The following IREB2 variants were observed in gnomAD, a reference collection of about 807,000 sequenced individuals.
IREB2 encodes the protein iron-responsive element-binding protein 2.
A neutral mutation model predicts 118.8 loss-of-function variants in IREB2; 39 were observed. The ratio of observed to expected loss-of-function variants is 0.33; its 90% confidence interval spans 0.25 to 0.43. The LOEUF is 0.43. Among genes scored for constraint, IREB2 ranks in the 20% least tolerant of loss-of-function variants. IREB2 has a pLI of 1.00. For synonymous variants in IREB2, 372 were observed against 392.2 expected, an observed-to-expected ratio of 0.95 and a Z score of 0.61; for missense variants, 900 against 1,147.3, an observed-to-expected ratio of 0.78 and a Z score of 3.11.
At chr15:78,483,235 G>A in intron 10 of IREB2, 83 bp from the exon 11 acceptor site, 2 of 681,844 alleles carry the variant, frequency 2.9e-6, no homozygotes, top group Non-Finnish European at 5.3e-6. Context: ...TACTTACTCT[G>A]CTTTAGAAAG....
chr15:78,470,214 C>T (rs955455929), intron 5 of IREB2, among the ~76,000 whole-genome samples: 5 of 152,182 alleles, frequency 3.3e-5, no homozygotes, highest in Non-Finnish European at 5.9e-5. Context: ...GAAGCTACTA[C>T]TTTCCTCTTT....
In IREB2 at chr15:78,438,244, C is replaced by T. The variant is rs969349733; in HGVS notation, c.-94C>T. ...CCTGCTTCCTTCTTTCCTCCCTTGC[C>T]AGTCCGCCTGTCTTCCTCCCCGTCT... is the stretch of plus-strand genomic sequence containing the variant. On this transcript the variant is annotated 5_prime_UTR_variant, in exon 1 of 22. Coordinates refer to ENST00000258886, the MANE Select transcript of IREB2 (RefSeq NM_004136.4). 1.6e-5 allele frequency: 15 copies of T among 956,758 alleles called. No individual in the cohort carries two copies. Among genetic ancestry groups the T allele is most frequent in the East Asian group, 5.2e-5 (2 of 38,236 alleles). The allele number at this position is 956,758 out of a possible 1,614,324, so 59.3% of individuals were successfully genotyped here.
At chr15:78,491,738 C>T (rs565182850) in intron 18 of IREB2, among the ~76,000 whole-genome samples, 4 of 152,196 alleles carry the variant, frequency 2.6e-5, no homozygotes, top group African/African-American at 9.6e-5. Flanking sequence ...CCAAGTGATC[C>T]GCCCACCTCG....
intron 3 of IREB2, among the ~76,000 whole-genome samples, chr15:78,463,950 A>G (rs1182925705): frequency 1.3e-5 from 2 of 152,210 alleles, no homozygotes; most frequent in African/African-American, 4.8e-5. Context: ...TAGGCTTCAA[A>G]TCTAGGAGTT....
rs1413354389 is a variant in IREB2, at chr15:78,487,779, G to A, written c.1756G>A (p.Ala586Thr). The change falls in exon 14 of 22, where the codon GCA (alanine) becomes ACA (threonine). Residue 586 changes from alanine to threonine, a missense_variant. Coordinates refer to ENST00000258886, the MANE Select transcript of IREB2 (RefSeq NM_004136.4). Reference protein sequence around the residue: ...YGCSICVGNTAPLSDAVLNAV... With the variant: ...YGCSICVGNTTPLSDAVLNAV... ...ATGTTCAATTTGTGTGGGAAATACA[G>A]CACCCTTATCAGACGCAGTTTTAAA... 6.2e-7 allele frequency: 1 copy of A among 1,608,824 alleles called. No individual in the cohort carries two copies.
chr15:78,489,161 G>A lies in IREB2; in HGVS notation c.2076+390G>A, dbSNP rs562503218. Among the ~76,000 whole-genome samples the A allele has an allele frequency of 1.4e-4, 22 of 152,042 alleles. No homozygotes were observed. In the South Asian group the frequency reaches 4.6e-3, roughly 32 times the overall value. ...CACTTGAACCTGGGAGGCGGAGGTT[G>A]CGGTGATCCGAGATCGCGCCACTGC... On this transcript the variant is annotated intron_variant, in intron 16 of 21. Coordinates refer to ENST00000258886, the MANE Select transcript of IREB2 (RefSeq NM_004136.4).
In IREB2 at chr15:78,476,360, G is replaced by A; in HGVS notation, c.1195+1G>A. 1 of 1,533,622 alleles carries A rather than the reference G, an allele frequency of 6.5e-7. No individual in the cohort carries two copies. Among genetic ancestry groups the A allele is most frequent in the Non-Finnish European group, 8.9e-7 (1 of 1,124,162 alleles). ...ACATTAAAACATTTAGAACATACAGGTAAGAAGATAAAAGATCACTAGAAT... is the reference window on the plus strand; with the variant it reads ...ACATTAAAACATTTAGAACATACAGATAAGAAGATAAAAGATCACTAGAAT... On this transcript the variant is annotated splice_donor_variant, in intron 9 of 21. Transcript: ENST00000258886. LOFTEE classifies it high-confidence loss of function.
chr15:78,471,708 C>T lies in IREB2; in HGVS notation c.700-33C>T, dbSNP rs191387603. ...TTGTGAGCACAAATTTATATACTAA[C>T]ATTTGTATTTCTTAAATTTAAACAA... On this transcript the variant is annotated intron_variant, in intron 6 of 21. Coordinates refer to ENST00000258886, the MANE Select transcript of IREB2 (RefSeq NM_004136.4). The T allele has an allele frequency of 2.8e-5, 38 of 1,379,156 alleles. No homozygotes were observed. The Admixed American group carries it at 7.1e-4, about 26-fold the overall frequency. 85.4% of individuals were successfully genotyped at this position (1,379,156 alleles called of 1,614,324 possible).
At chr15:78,473,688 A>T (rs1001626147) in intron 8 of IREB2, 12 of 239,808 alleles carry the variant, frequency 5.0e-5, no homozygotes, top group African/African-American at 2.3e-4. Flanking sequence ...GGGTTTAGTG[A>T]CTTACCAAAG....
At chr15:78,478,082 A>G (rs766671511) in intron 9 of IREB2, among the ~76,000 whole-genome samples, 1 of 119,112 alleles carries the variant, frequency 8.4e-6, no homozygotes, top group East Asian at 2.5e-4. Context: ...AAACATTTGT[A>G]AAAAAAAAAA....
intron 2 of IREB2, among the ~76,000 whole-genome samples, chr15:78,458,966 T>C (rs1056224697): frequency 6.6e-6 from 1 of 151,872 alleles, no homozygotes; most frequent in African/African-American, 2.4e-5. Context: ...ACCTGGCTAG[T>C]TTTTTGTATT....
chr15:78,439,179 C>T (rs769847901), intron 1 of IREB2, among the ~76,000 whole-genome samples: 2 of 152,168 alleles, frequency 1.3e-5, no homozygotes, highest in Admixed American at 6.5e-5. Flanking sequence ...CGTGCAAAAC[C>T]AGAAGACTTG....
intron 7 of IREB2, among the ~76,000 whole-genome samples, chr15:78,472,175 A>G (rs913857646): frequency 4.6e-5 from 7 of 152,180 alleles, no homozygotes; most frequent in Non-Finnish European, 8.8e-5. Context: ...TAATTGAATG[A>G]TGATGATGAT....
intron 2 of IREB2, among the ~76,000 whole-genome samples, chr15:78,442,519 T>G (rs1037725577): frequency 4.6e-5 from 7 of 152,198 alleles, no homozygotes; most frequent in Admixed American, 3.3e-4. Context: ...TGAGTAACGA[T>G]TAATGAAGGG....
At chr15:78,444,249 A>G (rs527550113) in intron 2 of IREB2, among the ~76,000 whole-genome samples, 1 of 152,058 alleles carries the variant, frequency 6.6e-6, no homozygotes, top group African/African-American at 2.4e-5. Context: ...ATTTTTAAGG[A>G]GTGGAGAAAT....
rs11072767 is a variant in IREB2 at position 78,479,728 on chromosome 15, T to C, written c.1296+1331T>C. Among the ~76,000 whole-genome samples, 496 of 152,212 alleles carry C rather than the reference T, an allele frequency of 3.3e-3. 3 individuals are homozygous for C. Among genetic ancestry groups the C allele is most frequent in the Non-Finnish European group, 5.5e-3 (375 of 68,024 alleles). On this transcript the variant is annotated intron_variant, in intron 10 of 21. Coordinates refer to ENST00000258886, the MANE Select transcript of IREB2 (RefSeq NM_004136.4). ...GGTATACACTATTATGCAGTCTTACTTGTTAGTTTTAAAGATATTTTACAA... is the reference window on the plus strand; with the variant it reads ...GGTATACACTATTATGCAGTCTTACCTGTTAGTTTTAAAGATATTTTACAA...
chr15:78,453,902 C>G (rs1189504577), intron 2 of IREB2, among the ~76,000 whole-genome samples: 4 of 152,170 alleles, frequency 2.6e-5, no homozygotes, highest in South Asian at 4.1e-4. Flanking sequence ...CATGTGTTTA[C>G]ATTAGTGCCA....
At chr15:78,438,190 C>G (rs1051105969), upstream of IREB2, 1 of 651,856 alleles carries the variant, frequency 1.5e-6, no homozygotes, top group East Asian at 2.8e-5. Flanking sequence ...CCGGGGCTGG[C>G]TCTGCTGCTC....
At chr15:78,460,612 T>G (rs1428779022) in intron 2 of IREB2, among the ~76,000 whole-genome samples, 2 of 152,212 alleles carry the variant, frequency 1.3e-5, no homozygotes, top group Non-Finnish European at 2.9e-5. Context: ...GTCATTTCTC[T>G]GAAAAACTGT....
Sources: gnomAD v4.1 joint callset for allele counts (sites outside exome capture counted in the v4.1 genomes callset) on GRCh38, gnomAD v4.1.1 for gene constraint, MANE v1.5 for transcripts, NCBI Gene and HGNC (gene_info 2026-07-23, HGNC 2026-07-21) for gene names.